The following SMCHD1 variants were observed in gnomAD, a reference collection of about 807,000 sequenced individuals.
SMCHD1 encodes structural maintenance of chromosomes flexible hinge domain containing 1, also known as structural maintenance of chromosomes flexible hinge domain-containing protein 1.
In SMCHD1, 78 loss-of-function variants were observed where a neutral mutation model predicts 254.7. That is an observed-to-expected ratio of 0.31 (90% confidence interval 0.26 to 0.37). The LOEUF is 0.37. Among genes scored for constraint, SMCHD1 ranks in the 10% least tolerant of loss-of-function variants. The pLI is 1.00. For synonymous variants in SMCHD1, 766 were observed against 794.9 expected (o/e 0.96, Z 0.61); for missense variants, 1,840 against 2,408.1 (o/e 0.76, Z 4.94).
chr18:2,672,851 T>C (rs2073649189), intron 3 of SMCHD1, among the ~76,000 whole-genome samples: 1 of 152,186 alleles, frequency 6.6e-6, no homozygotes, highest in Non-Finnish European at 1.5e-5. Context: ...ATGAGCAGTA[T>C]AGGAAATTTA....
At chr18:2,792,961 C>G (rs2076193049) in intron 45 of SMCHD1, among the ~76,000 whole-genome samples, 1 of 152,194 alleles carries the variant, frequency 6.6e-6, no homozygotes, top group African/African-American at 2.4e-5. Context: ...CTCTATCCTC[C>G]TCTTCCTGGG....
intron 28 of SMCHD1, among the ~76,000 whole-genome samples, chr18:2,743,342 A>G (rs970709062): frequency 2.6e-5 from 4 of 152,184 alleles, no homozygotes; most frequent in Admixed American, 2.0e-4. Context: ...TAGTATGCCA[A>G]TAAGTAAGGT....
chr18:2,659,112 GT>G (rs2073168041), intron 1 of SMCHD1, among the ~76,000 whole-genome samples: 1 of 152,154 alleles, frequency 6.6e-6, no homozygotes, highest in East Asian at 1.9e-4. Flanking sequence ...ATCCTAAACT[GT>G]TACTTATTTA....
chr18:2,682,647 C>T (rs1447017258), intron 5 of SMCHD1, among the ~76,000 whole-genome samples: 1 of 152,150 alleles, frequency 6.6e-6, no homozygotes, highest in Admixed American at 6.5e-5. Context: ...TTACTTGAGA[C>T]ACCTCTTATG....
intron 29 of SMCHD1, 72 bp from the exon 30 acceptor site, chr18:2,747,450 C>T (rs2075476771): frequency 4.5e-6 from 6 of 1,321,922 alleles, no homozygotes; most frequent in Non-Finnish European, 6.2e-6. Context: ...GATCGTTACA[C>T]AAATATACAA....
chr18:2,799,872 G>T (rs2076328818), intron 47 of SMCHD1, among the ~76,000 whole-genome samples: 1 of 151,770 alleles, frequency 6.6e-6, no homozygotes, highest in Non-Finnish European at 1.5e-5. Flanking sequence ...GTCTTCCTTA[G>T]TTACTCTCTT....
intron 32 of SMCHD1, 23 bp from the exon 33 acceptor site, chr18:2,751,255 T>A: frequency 7.4e-7 from 1 of 1,355,844 alleles, no homozygotes; most frequent in South Asian, 1.3e-5. Flanking sequence ...AAAGAGATAA[T>A]TTTTTAACGT....
At chr18:2,768,688 C>CTAGTATAGTACACTATATACTATACTAG (rs2075920056) in intron 37 of SMCHD1, among the ~76,000 whole-genome samples, 7 of 129,414 alleles carry the variant, frequency 5.4e-5, no homozygotes, top group Admixed American at 2.6e-4. Flanking sequence ...TACTATACTA[C>CTAGTATAGTACACTATATACTATACTAG]TAGTATAGTA....
At chr18:2,770,954 A>G (rs1189666508) in intron 39 of SMCHD1, among the ~76,000 whole-genome samples, 3 of 152,212 alleles carry the variant, frequency 2.0e-5, no homozygotes, top group African/African-American at 7.2e-5. Flanking sequence ...AATGTTTCAT[A>G]TAATTGAAAG....
In SMCHD1 at chr18:2,770,012, G is replaced by A. The variant is rs760873020; in HGVS notation, c.4870G>A (p.Ala1624Thr). ...YNDVKKQQQM[A>T]ALTKEKDQLS... ...AGATGTTAAGAAGCAGCAACAAATG[G>A]CAGCACTTACAAAAGAAAAGGACCA... Residue 1624 changes from alanine to threonine, a missense_variant, in exon 39 of 48, where the codon GCA (alanine) becomes ACA (threonine). Physicochemically the swap from Ala to Thr is moderately conservative, Grantham distance 58. Around this residue, in one of 9 missense-constraint regions of SMCHD1, gnomAD observed 881 missense variants for 1,009.5 expected, o/e 0.87. Transcript: ENST00000320876. The A allele has an allele frequency of 2.5e-6, 4 of 1,594,174 alleles. No homozygotes were observed. The highest frequency in any genetic ancestry group is 3.4e-6 in the Non-Finnish European group (4 of 1,174,508).
At chr18:2,686,189 T>G (rs2074048395) in intron 5 of SMCHD1, among the ~76,000 whole-genome samples, 1 of 152,168 alleles carries the variant, frequency 6.6e-6, no homozygotes, top group Non-Finnish European at 1.5e-5. Flanking sequence ...TTCAAAAAAT[T>G]TAAGTACAAG....
chr18:2,711,538 A>G (rs1399011701), intron 17 of SMCHD1, among the ~76,000 whole-genome samples: 5 of 132,450 alleles, frequency 3.8e-5, no homozygotes, highest in Non-Finnish European at 7.7e-5. Flanking sequence ...GCTGGAGTGC[A>G]GTGGCGGGAT....
chr18:2,740,910 A>C (rs573701650), intron 28 of SMCHD1, 89 bp downstream of exon 28: 2 of 732,738 alleles, frequency 2.7e-6, no homozygotes, highest in East Asian at 5.4e-5. Flanking sequence ...ATAAGAAAAA[A>C]GTTTGATTTT....
chr18:2,785,644 TCTCAAAAAAAAAAAAAAA>T (rs2076226491), intron 45 of SMCHD1, among the ~76,000 whole-genome samples: 1 of 5,226 alleles, frequency 1.9e-4, no homozygotes, highest in Non-Finnish European at 8.1e-4. Context: ...AGAGACTCTG[TCTCAAAAAAAAAAAAAAA>T]AAAAAAAAAC....
intron 30 of SMCHD1, among the ~76,000 whole-genome samples, chr18:2,748,532 T>G (rs1474623138): frequency 1.3e-5 from 2 of 151,398 alleles, no homozygotes; most frequent in African/African-American, 4.9e-5. Flanking sequence ...GTAGTTGGGA[T>G]TACAGGCATG....
chr18:2,731,711 C>G (rs1329297395), intron 24 of SMCHD1, among the ~76,000 whole-genome samples: 1 of 151,994 alleles, frequency 6.6e-6, no homozygotes, highest in Non-Finnish European at 1.5e-5. Context: ...TTTAAAGAAA[C>G]TTGGAAATAA....
At chr18:2,728,269 T>A in intron 22 of SMCHD1, 188 bp from the exon 23 acceptor site, 1 of 555,694 alleles carries the variant, frequency 1.8e-6, no homozygotes, top group Non-Finnish European at 3.1e-6. Flanking sequence ...TTGAGATAAG[T>A]CTTGTCATGT....
chr18:2,711,924 C>T (rs1379265278), intron 17 of SMCHD1, among the ~76,000 whole-genome samples: 1 of 152,154 alleles, frequency 6.6e-6, no homozygotes, highest in East Asian at 1.9e-4. Flanking sequence ...TAAAAAGAAC[C>T]TGGCACCTCC....
intron 25 of SMCHD1, among the ~76,000 whole-genome samples, chr18:2,732,907 G>A (rs1157145403): frequency 6.6e-6 from 1 of 152,092 alleles, no homozygotes; most frequent in South Asian, 2.1e-4. Flanking sequence ...CCTCTATTTG[G>A]CCATTGGAAA....
Sources: allele counts gnomAD v4.1 joint callset (sites outside exome capture counted in the v4.1 genomes callset), GRCh38; gene constraint gnomAD v4.1.1; regional missense constraint gnomAD v4.1.1; transcripts MANE v1.5; gene names NCBI Gene and HGNC (gene_info 2026-07-23, HGNC 2026-07-21).